The following LRRIQ3 variants were observed in gnomAD, a reference collection of about 807,000 sequenced individuals.
The protein encoded by LRRIQ3 is leucine-rich repeat and IQ domain-containing protein 3.
LRRIQ3 carries 75 observed loss-of-function variants against 59.3 expected under a neutral mutation model. The ratio of observed to expected loss-of-function variants is 1.26; its 90% CI spans 1.05 to 1.53. The LOEUF (loss-of-function observed/expected upper bound fraction) is 1.53, where lower values mean the gene tolerates loss of function less well. Ranked by LOEUF, LRRIQ3 falls within the 40% of genes most tolerant of loss-of-function variation. The pLI is 0.00. For missense variants in LRRIQ3, 831 were observed against 710.0 expected (o/e 1.17, Z -1.94); for synonymous variants, 250 against 231.3 (o/e 1.08, Z -0.73).
intron 5 of LRRIQ3, among the ~76,000 whole-genome samples, chr1:74,100,759 A>T (rs181562500): frequency 5.3e-5 from 8 of 152,086 alleles, no homozygotes; most frequent in Admixed American, 2.0e-4. Flanking sequence ...ATACCACACA[A>T]CTACAACCAT....
At chr1:74,144,541 A>G (rs1184806134) in intron 4 of LRRIQ3, 2 of 249,982 alleles carry the variant, frequency 8.0e-6, no homozygotes, top group Non-Finnish European at 1.7e-5. Flanking sequence ...GAGGACTGTA[A>G]CAGTCTGTAA....
Position 74,117,844 on chromosome 1 carries a change from C to A in LRRIQ3, c.708-8291G>T, listed in dbSNP as rs115151676. 9.6e-3 allele frequency among the ~76,000 whole-genome samples: 1,459 copies of A among 151,936 alleles called. 30 individuals are homozygous for A. The highest frequency in any genetic ancestry group is 0.033 in the African/African-American group (1,371 of 41,466). ...ATAATAAAAATATAATTCTATATATCCATTGACCTGGCAAATCAAATTCTA... is the reference window on the plus strand; with the variant it reads ...ATAATAAAAATATAATTCTATATATACATTGACCTGGCAAATCAAATTCTA... On this transcript the variant is annotated intron_variant, in intron 4 of 7. Transcript: ENST00000354431.
At chr1:74,137,999 G>A (rs989972622) in intron 4 of LRRIQ3, among the ~76,000 whole-genome samples, 3 of 151,648 alleles carry the variant, frequency 2.0e-5, no homozygotes, top group Non-Finnish European at 4.4e-5. Flanking sequence ...GTAGATGATG[G>A]GTTGGTGGGT....
At chr1:74,177,893 T>C (rs2100714456) in intron 3 of LRRIQ3, among the ~76,000 whole-genome samples, 1 of 152,178 alleles carries the variant, frequency 6.6e-6, no homozygotes, top group East Asian at 1.9e-4. Context: ...AAAAATGTTA[T>C]GTTTTCCTTC....
intron 1 of LRRIQ3, among the ~76,000 whole-genome samples, chr1:74,186,522 A>G (rs1180137181): frequency 6.6e-6 from 1 of 152,186 alleles, no homozygotes; most frequent in Non-Finnish European, 1.5e-5. Context: ...ACCTGATAAA[A>G]TAACATTGTC....
At chr1:74,137,378 C>G (rs1457528063) in intron 4 of LRRIQ3, among the ~76,000 whole-genome samples, 3 of 151,978 alleles carry the variant, frequency 2.0e-5, no homozygotes, top group Non-Finnish European at 4.4e-5. Context: ...AAATGCAAAT[C>G]AAAACCACAA....
intron 4 of LRRIQ3, among the ~76,000 whole-genome samples, chr1:74,123,631 T>A (rs928243866): frequency 2.0e-5 from 3 of 152,076 alleles, no homozygotes; most frequent in Non-Finnish European, 4.4e-5. Flanking sequence ...AATGACAGGA[T>A]CTCATTCTTT....
At chr1:74,103,788 C>T (rs1170637873) in intron 5 of LRRIQ3, among the ~76,000 whole-genome samples, 2 of 120,806 alleles carry the variant, frequency 1.7e-5, no homozygotes, top group African/African-American at 3.0e-5. Context: ...CTCTGTCCTT[C>T]CCCCCCCCGC....
intron 5 of LRRIQ3, among the ~76,000 whole-genome samples, chr1:74,104,480 A>G (rs1394341543): frequency 6.6e-6 from 1 of 152,062 alleles, no homozygotes; most frequent in Non-Finnish European, 1.5e-5. Flanking sequence ...ACAATGGAAT[A>G]TTATTCAGTG....
At position 74,041,461 on chromosome 1, in the gene LRRIQ3, T is replaced by C; in HGVS notation, c.1470A>G (p.Arg490=). 1 of 1,613,712 alleles carries C rather than the reference T, an allele frequency of 6.2e-7. No homozygotes were observed. Among genetic ancestry groups the C allele is most frequent in the Non-Finnish European group, 8.5e-7 (1 of 1,179,880 alleles). The change falls in exon 7 of 8, where the codon AGA becomes AGG. Residue 490 remains arginine, a synonymous_variant. Coordinates refer to ENST00000354431, the MANE Select transcript of LRRIQ3 (RefSeq NM_001105659.2). ...QNSLRQVWQN[R]FNYLEKARER... is the part of the protein sequence containing the mutation. The stretch of plus-strand genomic sequence containing the variant: ...CTCTAGCTTTTTCAAGGTAGTTGAA[T>C]CTGTTTTGCCAAACTTGTCGTAAAC...
chr1:74,130,193 T>C (rs928976233), intron 4 of LRRIQ3, among the ~76,000 whole-genome samples: 1 of 151,996 alleles, frequency 6.6e-6, no homozygotes, highest in Non-Finnish European at 1.5e-5. Context: ...GACTTTGTGG[T>C]CTAGACTGCC....
At chr1:74,126,768 A>G (rs1646941568) in intron 4 of LRRIQ3, among the ~76,000 whole-genome samples, 1 of 151,978 alleles carries the variant, frequency 6.6e-6, no homozygotes. Flanking sequence ...GTTGTCTAAT[A>G]TATGGTCTAT....
intron 6 of LRRIQ3, among the ~76,000 whole-genome samples, chr1:74,073,278 C>G (rs963389597): frequency 1.3e-5 from 2 of 151,958 alleles, no homozygotes; most frequent in Admixed American, 6.6e-5. Flanking sequence ...TTTGGGAGGC[C>G]GAGGCAGGCG....
In LRRIQ3 at chr1:74,156,353, T is replaced by G. The variant is rs571890336; in HGVS notation, c.574-487A>C. Among the ~76,000 whole-genome samples, 4 of 152,248 alleles carry G rather than the reference T, an allele frequency of 2.6e-5. No individual in the cohort carries two copies. The South Asian group carries it at 8.3e-4, about 32-fold the overall frequency. Reference sequence around the variant, plus strand: ...AACATGAGCCAAAATAAACCTCTTTTCTTTATAAATTACCCAGCCTCAGGT... The same window carrying G: ...AACATGAGCCAAAATAAACCTCTTTGCTTTATAAATTACCCAGCCTCAGGT... On this transcript the variant is annotated intron_variant, in intron 3 of 7. Transcript: ENST00000354431.
At chr1:74,124,078 C>T (rs1646900645) in intron 4 of LRRIQ3, among the ~76,000 whole-genome samples, 1 of 151,902 alleles carries the variant, frequency 6.6e-6, no homozygotes, top group Non-Finnish European at 1.5e-5. Flanking sequence ...GAGATGGTAT[C>T]TCAATGTAGC....
chr1:74,088,407 TG>T (rs1646354796), intron 5 of LRRIQ3, among the ~76,000 whole-genome samples: 1 of 152,106 alleles, frequency 6.6e-6, no homozygotes, highest in Admixed American at 6.6e-5. Flanking sequence ...TAAGATTTTT[TG>T]TCCTTCAGTA....
At position 74,108,643 on chromosome 1, in the gene LRRIQ3, A is replaced by G. The variant is rs145094554; in HGVS notation, c.867+751T>C. Among the ~76,000 whole-genome samples the G allele has an allele frequency of 3.8e-3, 578 of 151,950 alleles. 5 individuals carry two copies. The highest frequency in any genetic ancestry group is 0.013 in the African/African-American group (549 of 41,542). On this transcript the variant is annotated intron_variant, in intron 5 of 7. Transcript: ENST00000354431. Reference sequence around the variant, plus strand: ...CCACACATGAAGGAGCTTATCACAAACTAAGTGCTTTAGAAATTATAGAAT... The same window carrying G: ...CCACACATGAAGGAGCTTATCACAAGCTAAGTGCTTTAGAAATTATAGAAT...
At chr1:74,063,637 C>A (rs1419938106) in intron 6 of LRRIQ3, among the ~76,000 whole-genome samples, 2 of 151,968 alleles carry the variant, frequency 1.3e-5, no homozygotes, top group Admixed American at 1.3e-4. Context: ...ATTATTGTGA[C>A]ATGCCTCTCT....
chr1:74,132,752 A>AT (rs1369876945), intron 4 of LRRIQ3, among the ~76,000 whole-genome samples: 1 of 152,212 alleles, frequency 6.6e-6, no homozygotes, highest in Non-Finnish European at 1.5e-5. Flanking sequence ...ACCTAAAACC[A>AT]TAAAAACCCT....
Sources: gnomAD v4.1 joint callset for allele counts (sites outside exome capture counted in the v4.1 genomes callset) on GRCh38, gnomAD v4.1.1 for gene constraint, MANE v1.5 for transcripts, NCBI Gene and HGNC (gene_info 2026-07-23, HGNC 2026-07-21) for gene names.